The following SMARCC1 variants were observed in gnomAD, a reference collection of about 807,000 sequenced individuals.
SMARCC1 encodes the protein SWI/SNF complex subunit SMARCC1.
SMARCC1 carries 43 observed loss-of-function variants against 147.4 expected under a neutral mutation model. The ratio of observed to expected loss-of-function variants is 0.29; its 90% confidence interval spans 0.23 to 0.38. The LOEUF is 0.38. SMARCC1 is among the 10% of genes least tolerant of loss of function. The pLI is 1.00. For synonymous variants in SMARCC1, 495 were observed against 484.4 expected (o/e 1.02, Z -0.29); for missense variants, 1,119 against 1,381.1 (o/e 0.81, Z 3.01).
chr3:47,731,510 A>G (rs935932656), intron 5 of SMARCC1, among the ~76,000 whole-genome samples: 1 of 152,192 alleles, frequency 6.6e-6, no homozygotes, highest in African/African-American at 2.4e-5. Context: ...AAGATTTTCA[A>G]TTTACTTTGC....
chr3:47,617,889 C>T (rs1403579), intron 25 of SMARCC1, among the ~76,000 whole-genome samples: 90,399 of 151,998 alleles, frequency 0.59, 28,152 homozygotes, highest in East Asian at 0.72. Context: ...GGATGTGACT[C>T]GTATGTTTAC....
rs781613955 is a variant in SMARCC1, at chr3:47,645,272, C to CA, written c.2321-6493dup. 2.4e-3 allele frequency among the ~76,000 whole-genome samples: 359 copies of CA among 149,466 alleles called. 1 individual carries two copies. The highest frequency in any genetic ancestry group is 8.4e-3 in the African/African-American group (340 of 40,572). ...TGCCACTGCACTTTAGCCTGGGTGACAGAGCGAGACCCTGTCCCCCCCACC... is the reference window on the plus strand; with the variant it reads ...TGCCACTGCACTTTAGCCTGGGTGACAAGAGCGAGACCCTGTCCCCCCCACC... On this transcript the variant is annotated intron_variant, in intron 21 of 27. Transcript: ENST00000254480.
chr3:47,632,928 G>A (rs897975548), intron 24 of SMARCC1, among the ~76,000 whole-genome samples: 3 of 149,492 alleles, frequency 2.0e-5, no homozygotes, highest in East Asian at 4.0e-4. Context: ...CATTTTTAAA[G>A]ATTTCTGCAC....
At chr3:47,691,861 G>A (rs765313907) in intron 12 of SMARCC1, among the ~76,000 whole-genome samples, 6 of 151,920 alleles carry the variant, frequency 3.9e-5, no homozygotes, top group South Asian at 2.1e-4. Flanking sequence ...TTAGCTGGGC[G>A]TGGTGGCACG....
chr3:47,731,872 C>G (rs552182617), intron 5 of SMARCC1, among the ~76,000 whole-genome samples: 1 of 152,318 alleles, frequency 6.6e-6, no homozygotes, highest in African/African-American at 2.4e-5. Flanking sequence ...ATCTGTAGGG[C>G]CTTATGACTG....
At chr3:47,622,012 G>A (rs965392904) in intron 25 of SMARCC1, among the ~76,000 whole-genome samples, 195 bp downstream of exon 25, 1 of 152,136 alleles carries the variant, frequency 6.6e-6, no homozygotes, top group Non-Finnish European at 1.5e-5. Context: ...ACTTTAGAGA[G>A]TTAACAGAGT....
At chr3:47,754,797 C>A (rs1183359311) in intron 2 of SMARCC1, among the ~76,000 whole-genome samples, 5 of 152,338 alleles carry the variant, frequency 3.3e-5, no homozygotes, top group African/African-American at 1.2e-4. Flanking sequence ...AATGCCAGAA[C>A]TTTGGGAGGC....
intron 21 of SMARCC1, among the ~76,000 whole-genome samples, chr3:47,648,951 G>GT (rs2033153136): frequency 1.3e-5 from 2 of 152,106 alleles, no homozygotes; most frequent in Admixed American, 1.3e-4. Context: ...GTTATATTTT[G>GT]TAACAAAAGC....
intron 7 of SMARCC1, among the ~76,000 whole-genome samples, chr3:47,718,724 TA>T (rs1014339361): frequency 1.5e-4 from 22 of 150,904 alleles, no homozygotes; most frequent in Non-Finnish European, 3.0e-4. Flanking sequence ...AAAATAAAAA[TA>T]AAAAAAGTAG....
chr3:47,674,196 C>T (rs1171650460), intron 18 of SMARCC1, among the ~76,000 whole-genome samples: 1 of 152,194 alleles, frequency 6.6e-6, no homozygotes, highest in Non-Finnish European at 1.5e-5. Context: ...GTTTAAACAA[C>T]CTGTATTACT....
chr3:47,660,155 G>C (rs116123773), intron 21 of SMARCC1, among the ~76,000 whole-genome samples: 2 of 151,978 alleles, frequency 1.3e-5, no homozygotes, highest in African/African-American at 4.8e-5. Flanking sequence ...GTATAAAAGT[G>C]GAAACAATAG....
intron 24 of SMARCC1, among the ~76,000 whole-genome samples, chr3:47,624,193 AG>A (rs1165700978): frequency 6.6e-6 from 1 of 152,104 alleles, no homozygotes; most frequent in Non-Finnish European, 1.5e-5. Flanking sequence ...CGGGAGGCTG[AG>A]GCATAAGAAT....
chr3:47,712,460 C>A (rs17079766), intron 8 of SMARCC1, among the ~76,000 whole-genome samples: 5,853 of 151,766 alleles, frequency 0.039, 385 homozygotes, highest in African/African-American at 0.13. Flanking sequence ...AATCCTTTAA[C>A]TACTGAGAAA....
At chr3:47,653,021 A>AT (rs2033211965) in intron 21 of SMARCC1, among the ~76,000 whole-genome samples, 1 of 150,836 alleles carries the variant, frequency 6.6e-6, no homozygotes, top group African/African-American at 2.4e-5. Context: ...CAGTGGCGCA[A>AT]TCTCGGCTCA....
chr3:47,594,152 T>G (rs1413401086), intron 26 of SMARCC1, among the ~76,000 whole-genome samples: 3 of 133,438 alleles, frequency 2.2e-5, no homozygotes, highest in South Asian at 5.1e-4. Flanking sequence ...GCAACAAGAA[T>G]GAAACTCCAA....
intron 21 of SMARCC1, among the ~76,000 whole-genome samples, chr3:47,643,961 T>C (rs1291198401): frequency 1.3e-5 from 2 of 152,104 alleles, no homozygotes; most frequent in Non-Finnish European, 2.9e-5. Flanking sequence ...AAGGCTGGTG[T>C]GGGAGGAATG....
chr3:47,745,678 T>C (rs2034556618), intron 3 of SMARCC1, among the ~76,000 whole-genome samples: 1 of 152,200 alleles, frequency 6.6e-6, no homozygotes, highest in Non-Finnish European at 1.5e-5. Flanking sequence ...ACCACTGCAC[T>C]TCTAGCCTTG....
intron 8 of SMARCC1, among the ~76,000 whole-genome samples, chr3:47,714,173 G>A (rs1250607307): frequency 6.6e-6 from 1 of 152,192 alleles, no homozygotes; most frequent in East Asian, 1.9e-4. Context: ...AGGCCAGCCT[G>A]ACCAATCCAG....
intron 21 of SMARCC1, among the ~76,000 whole-genome samples, chr3:47,657,342 A>T (rs905670698): frequency 2.6e-5 from 4 of 152,240 alleles, no homozygotes; most frequent in Non-Finnish European, 5.9e-5. Context: ...GTCTTAATTT[A>T]AAAATACGGA....
Sources: allele counts gnomAD v4.1 joint callset (sites outside exome capture counted in the v4.1 genomes callset), GRCh38; gene constraint gnomAD v4.1.1; transcripts MANE v1.5; gene names NCBI Gene and HGNC (gene_info 2026-07-23, HGNC 2026-07-21).